MVB12A: variants seen among roughly 807,000 people sequenced by gnomAD.
MVB12A encodes multivesicular body subunit 12A.
Under a neutral mutation model 34.3 loss-of-function variants are expected in MVB12A, and 30 were observed. The ratio of observed to expected loss-of-function variants is 0.88; its 90% CI spans 0.65 to 1.19. The LOEUF is 1.19. MVB12A is among the 50% of genes most tolerant of loss of function. The pLI, the probability that MVB12A is intolerant of heterozygous loss-of-function variation, is 0.00. For missense variants in MVB12A, 355 were observed against 369.2 expected, an observed-to-expected ratio of 0.96 and a Z score of 0.31; for synonymous variants, 158 against 158.9, an observed-to-expected ratio of 0.99 and a Z score of 0.04.
intron 3 of MVB12A, among the ~76,000 whole-genome samples, chr19:17,421,672 T>C (rs1402722647): frequency 6.6e-6 from 1 of 152,006 alleles, no homozygotes; most frequent in Non-Finnish European, 1.5e-5. Flanking sequence ...CTTGGTGTGG[T>C]GGTTCACACC....
upstream of MVB12A, chr19:17,417,812 TC>T (rs1213200665): frequency 1.0e-5 from 3 of 294,498 alleles, no homozygotes; most frequent in Admixed American, 1.1e-4. Flanking sequence ...GACTTCTCTT[TC>T]ACTGACACTG....
chr19:17,420,192 G>C lies in MVB12A; in HGVS notation c.57G>C (p.Ser19=), dbSNP rs765303621. The C allele has an allele frequency of 9.0e-6, 13 of 1,445,776 alleles. No homozygotes were observed. The highest frequency in any genetic ancestry group is 1.2e-5 in the Non-Finnish European group (13 of 1,107,090). The allele number at this position is 1,445,776 out of a possible 1,614,324, so 89.6% of individuals were successfully genotyped here. The change falls in exon 1 of 9, where the codon TCG becomes TCC. Residue 19 remains serine (S), a synonymous_variant. Transcript: ENST00000317040. ...CGCTGGCTGGCCTGGCCTGGTCGTC[G>C]GCCTCTGCACCCCCGCCGCGGGGGT... ...SAPLAGLAWS[S]ASAPPPRGFS... is the part of the protein sequence containing the mutation.
intron 8 of MVB12A, 91 bp from the exon 9 acceptor site, chr19:17,424,840 T>G: frequency 8.2e-7 from 1 of 1,217,916 alleles, no homozygotes; most frequent in South Asian, 1.3e-5. Context: ...CTCAAGTCCC[T>G]AAGTACCCAC....
At chr19:17,418,748 C>G (rs2145759109), upstream of MVB12A, 1 of 151,910 alleles carries the variant, frequency 6.6e-6, no homozygotes, top group East Asian at 1.9e-4. Flanking sequence ...ATTTTAAACA[C>G]TGGGGTCTCC....
upstream of MVB12A, chr19:17,420,027 CGCATG>C: frequency 2.0e-6 from 1 of 504,514 alleles, no homozygotes; most frequent in Non-Finnish European, 3.0e-6. Flanking sequence ...CCCCCCCCCC[CGCATG>C]GCCTTCTGGG....
intron 8 of MVB12A, 96 bp from the exon 9 acceptor site, chr19:17,424,835 G>A: frequency 8.1e-7 from 1 of 1,227,342 alleles, no homozygotes; most frequent in Non-Finnish European, 1.2e-6. Context: ...GACCACTCAA[G>A]TCCCTAAGTA....
chr19:17,420,566 T>TCCAGATC lies in MVB12A; in HGVS notation c.219_225dup (p.Val76ProfsTer48). On this transcript the variant is annotated frameshift_variant, in exon 3 of 9. Transcript: ENST00000317040. LOFTEE classifies it high-confidence loss of function. ...CCGCAGGAGAACGTGGTGGCCGATA[T>TCCAGATC]CCAGATCGTGGTGGACAAGAGCCCC... is the stretch of plus-strand genomic sequence containing the variant. 6.2e-7 allele frequency: 1 copy of TCCAGATC among 1,613,932 alleles called. No homozygotes were observed. Among genetic ancestry groups the TCCAGATC allele is most frequent in the African/African-American group, 1.3e-5 (1 of 75,010 alleles).
At chr19:17,410,360 G>C (rs2074756390) in intron 2 of MVB12A, among the ~76,000 whole-genome samples, 1 of 149,824 alleles carries the variant, frequency 6.7e-6, no homozygotes, top group South Asian at 2.1e-4. Context: ...TGTAGAGATG[G>C]GGGTCTCAGT....
intron 7 of MVB12A, among the ~76,000 whole-genome samples, chr19:17,424,332 A>T (rs2074856811): frequency 6.6e-6 from 1 of 152,152 alleles, no homozygotes; most frequent in Non-Finnish European, 1.5e-5. Context: ...CTGTGATCCC[A>T]GCACTTTGGG....
chr19:17,420,742 A>C, intron 3 of MVB12A, 108 bp downstream of exon 3: 1 of 742,472 alleles, frequency 1.3e-6, no homozygotes, highest in Non-Finnish European at 2.3e-6. Flanking sequence ...CCCCTGGCAC[A>C]CGGGGTGATG....
At chr19:17,422,123 G>C in intron 3 of MVB12A, 1 of 448,258 alleles carries the variant, frequency 2.2e-6, no homozygotes, top group Non-Finnish European at 4.0e-6. Context: ...CCAAAGATCA[G>C]CCTACTCCAG....
intron 2 of MVB12A, chr19:17,414,391 A>T (rs1182511576): frequency 4.6e-5 from 7 of 152,226 alleles, no homozygotes; most frequent in Non-Finnish European, 2.9e-5. Flanking sequence ...TTCCTTCCAG[A>T]TCCTTCCCTG....
upstream of MVB12A, among the ~76,000 whole-genome samples, chr19:17,416,714 A>AT (rs1680463478): frequency 1.8e-5 from 2 of 110,786 alleles, no homozygotes; most frequent in South Asian, 5.6e-4. Context: ...GGTCTCAACC[A>AT]CCCTTTTTTT....
At chr19:17,419,940 G>C (rs537900719), upstream of MVB12A, 1 of 402,082 alleles carries the variant, frequency 2.5e-6, no homozygotes, top group African/African-American at 2.1e-5. Flanking sequence ...ACGCGTGGTG[G>C]CGAGGCTCCG....
upstream of MVB12A, chr19:17,417,941 G>C: frequency 4.2e-6 from 1 of 240,684 alleles, no homozygotes; most frequent in South Asian, 6.0e-5. Flanking sequence ...CTGTCGCCCA[G>C]GCTGGAGTGC....
intron 2 of MVB12A, 60 bp from the exon 3 acceptor site, chr19:17,420,478 A>G (rs2074831116): frequency 3.8e-6 from 6 of 1,588,758 alleles, no homozygotes; most frequent in Non-Finnish European, 5.2e-6. Flanking sequence ...ACGGTGCCCT[A>G]TGCCAGGTGC....
chr19:17,412,174 G>A (rs2074773381), intron 2 of MVB12A, among the ~76,000 whole-genome samples: 1 of 152,204 alleles, frequency 6.6e-6, no homozygotes, highest in Non-Finnish European at 1.5e-5. Flanking sequence ...CTGAGTGCAG[G>A]TTTGGAGTCA....
intron 3 of MVB12A, 144 bp from the exon 4 acceptor site, chr19:17,422,188 A>C (rs2074842454): frequency 3.1e-6 from 2 of 647,360 alleles, no homozygotes; most frequent in East Asian, 5.5e-5. Context: ...TTCATGATTT[A>C]ACCACTCCTC....
intron 2 of MVB12A, among the ~76,000 whole-genome samples, chr19:17,409,441 CTTTTTTTTTT>C (rs781196057): frequency 2.6e-5 from 2 of 78,226 alleles, no homozygotes; most frequent in Admixed American, 1.5e-4. Context: ...TCTGCCATTA[CTTTTTTTTTT>C]TTTTTTTTTT....
Sources: gnomAD v4.1 joint callset for allele counts (sites outside exome capture counted in the v4.1 genomes callset) on GRCh38, gnomAD v4.1.1 for gene constraint, MANE v1.5 for transcripts, NCBI Gene and HGNC (gene_info 2026-07-23, HGNC 2026-07-21) for gene names.